The following MGA variants were observed in gnomAD, a reference collection of about 807,000 sequenced individuals.
The protein encoded by MGA is MAX dimerization protein MGA.
Under a neutral mutation model 261.1 loss-of-function variants are expected in MGA, and 40 were observed. The ratio of observed to expected loss-of-function variants is 0.15; its 90% CI spans 0.12 to 0.20. The LOEUF (loss-of-function observed/expected upper bound fraction) is 0.20, where lower values mean the gene tolerates loss of function less well. MGA is among the 10% of genes least tolerant of loss of function. The pLI, the probability that MGA is intolerant of heterozygous loss-of-function variation, is 1.00. For missense variants in MGA, 3,397 were observed against 3,630.5 expected, an observed-to-expected ratio of 0.94 and a Z score of 1.65; for synonymous variants, 1,302 against 1,290.6, an observed-to-expected ratio of 1.01 and a Z score of -0.19.
In MGA at chr15:41,710,678, T is replaced by C. The variant is rs371238108; in HGVS notation, c.2426-13T>C. 2 of 1,582,940 alleles carry C rather than the reference T, an allele frequency of 1.3e-6. No homozygotes were observed. Among genetic ancestry groups the C allele is most frequent in the African/African-American group, 2.7e-5 (2 of 73,320 alleles). ...TAGATTTCTTTAAGCATTTTATGTT[T>C]TCTTATTTCTAGGTGGAAATTCAGA... On this transcript the variant is annotated splice_polypyrimidine_tract_variant and intron_variant, in intron 7 of 23. Coordinates refer to ENST00000219905, the MANE Select transcript of MGA (RefSeq NM_001164273.2).
rs564939342 is a variant in MGA at position 41,710,504 on chromosome 15, C to T, written c.2426-187C>T. ...CTGGTCTTGAACTCCTAGCCTGTAG[C>T]GATCGTTTTGCTTCTTCCTGTCAAA... On this transcript the variant is annotated intron_variant, in intron 7 of 23. Coordinates refer to ENST00000219905, the MANE Select transcript of MGA (RefSeq NM_001164273.2). Among the ~76,000 whole-genome samples, 21 of 152,190 alleles carry T rather than the reference C, an allele frequency of 1.4e-4. No homozygotes were observed. In the East Asian group the frequency reaches 3.3e-3, roughly 24 times the overall value.
At chr15:41,729,592 C>T (rs962402260) in intron 11 of MGA, among the ~76,000 whole-genome samples, 1 of 151,880 alleles carries the variant, frequency 6.6e-6, no homozygotes, top group Non-Finnish European at 1.5e-5. Flanking sequence ...GACGCTGAGG[C>T]AGGCGGATCA....
At chr15:41,716,219 G>A (rs745760241) in intron 9 of MGA, among the ~76,000 whole-genome samples, 23 of 151,768 alleles carry the variant, frequency 1.5e-4, no homozygotes, top group Non-Finnish European at 2.6e-4. Context: ...CGGCTGAGGC[G>A]GGCAGATCAC....
chr15:41,690,842 G>T (rs918483874), intron 2 of MGA, among the ~76,000 whole-genome samples: 9 of 151,872 alleles, frequency 5.9e-5, no homozygotes, highest in Admixed American at 1.3e-4. Flanking sequence ...TTGCACCATT[G>T]CACTCTAGCC....
rs34078800 is a variant in MGA, at chr15:41,648,245, T to G, written c.-67-20583T>G. On this transcript the variant is annotated intron_variant, in intron 1 of 8. Coordinates refer to the MGA transcript ENST00000566718. ...GCATAGTCATTAAAAGTGTGAACTT[T>G]GGAGCCAGAGTGTCTGGGTTCAAGT... 9.5e-3 allele frequency among the ~76,000 whole-genome samples: 1,454 copies of G among 152,380 alleles called. 16 individuals are homozygous for G. Among genetic ancestry groups the G allele is most frequent in the Non-Finnish European group, 0.015 (1,026 of 68,038 alleles).
intron 9 of MGA, among the ~76,000 whole-genome samples, chr15:41,715,230 A>T (rs186721148): frequency 1.3e-5 from 2 of 149,724 alleles, no homozygotes; most frequent in Non-Finnish European, 3.0e-5. Context: ...GCTCACTGCA[A>T]CCTCCACCTC....
chr15:41,746,789 A>G (rs1349086294), intron 15 of MGA, among the ~76,000 whole-genome samples: 2 of 151,326 alleles, frequency 1.3e-5, no homozygotes, highest in African/African-American at 4.9e-5. Flanking sequence ...GTTTTGTTTC[A>G]TTTGTTTGAT....
intron 17 of MGA, among the ~76,000 whole-genome samples, chr15:41,754,157 C>T (rs748812175): frequency 1.3e-5 from 2 of 152,090 alleles, no homozygotes; most frequent in Non-Finnish European, 2.9e-5. Context: ...GAGCTCAAAA[C>T]GATCCACCTG....
At chr15:41,710,654 A>G (rs936700912) in intron 7 of MGA, 37 bp from the exon 8 acceptor site, 1 of 1,537,398 alleles carries the variant, frequency 6.5e-7, no homozygotes, top group Non-Finnish European at 8.8e-7. Context: ...AATCTGTCCT[A>G]GATTTCTTTA....
chr15:41,745,258 G>C lies in MGA; in HGVS notation c.5212+2086G>C, dbSNP rs191784993. Among the ~76,000 whole-genome samples, 28 of 103,054 alleles carry C rather than the reference G, an allele frequency of 2.7e-4. 1 individual carries two copies. In the Admixed American group the frequency reaches 3.6e-3, roughly 13 times the overall value. 67.6% of individuals were successfully genotyped at this position (103,054 alleles called of 152,430 possible). A position where few individuals can be genotyped will look rare whatever the true frequency, so the allele number is the denominator to read the frequency against. On this transcript the variant is annotated intron_variant, in intron 15 of 23. Coordinates refer to ENST00000219905, the MANE Select transcript of MGA (RefSeq NM_001164273.2). ...ATGACCCTGCCAAATCCCCCTATGC[G>C]AGAAACACCCAAGAATGATCAATAA... is the stretch of plus-strand genomic sequence containing the variant.
Position 41,750,317 on chromosome 15 carries a change from T to G in MGA, c.6710T>G (p.Leu2237Trp). ...GGAATTACTGAAGATGCCAGAGTTT[T>G]GAAAACTGAATGTGATTCTTGGAGT... The change falls in exon 17 of 24, where the codon TTG becomes TGG. Residue 2237 changes from leucine (L) to tryptophan (W), a missense_variant. Around this residue, in one of 9 missense-constraint regions of MGA, gnomAD observed 1,410 missense variants for 1,386.4 expected, o/e 1.02. Coordinates refer to ENST00000219905, the MANE Select transcript of MGA (RefSeq NM_001164273.2). 6.2e-7 allele frequency: 1 copy of G among 1,614,052 alleles called. No individual in the cohort carries two copies. The highest frequency in any genetic ancestry group is 1.3e-5 in the African/African-American group (1 of 75,080).
In MGA at chr15:41,762,380, C is replaced by T. The variant is rs367739476; in HGVS notation, c.7744+18C>T. 175 of 1,592,094 alleles carry T rather than the reference C, an allele frequency of 1.1e-4. No homozygotes were observed. The highest frequency in any genetic ancestry group is 5.0e-4 in the Middle Eastern group (3 of 5,980). On this transcript the variant is annotated intron_variant, in intron 22 of 23. Transcript: ENST00000219905. The stretch of plus-strand genomic sequence containing the variant: ...GGCCACAGGTAGGAGGGACATTCTT[C>T]GCTTTCCTTAATGTAGATATACATC...
chr15:41,693,464 G>A (rs1374121073), intron 2 of MGA, among the ~76,000 whole-genome samples: 1 of 151,942 alleles, frequency 6.6e-6, no homozygotes, highest in Admixed American at 6.6e-5. Flanking sequence ...GGATTTTCAA[G>A]TAAGGTTAAA....
Position 41,768,211 on chromosome 15 carries a change from C to A in MGA, c.*931C>A, listed in dbSNP as rs1255028516. 6.6e-6 allele frequency: 1 copy of A among 152,634 alleles called. No individual in the cohort carries two copies. Among genetic ancestry groups the A allele is most frequent in the Non-Finnish European group, 1.5e-5 (1 of 68,038 alleles). The allele number at this position is 152,634 out of a possible 1,614,324, so 9.5% of individuals were successfully genotyped here. A position where few individuals can be genotyped will look rare whatever the true frequency, so the allele number is the denominator to read the frequency against. On this transcript the variant is annotated 3_prime_UTR_variant, in exon 24 of 24. Transcript: ENST00000219905. ...TCCTGGTGCTTGAAGGTTTCATTCACTATTACCTGCACAGGATGTAAAGAA... is the reference window on the plus strand; with the variant it reads ...TCCTGGTGCTTGAAGGTTTCATTCAATATTACCTGCACAGGATGTAAAGAA...
At chr15:41,729,091 A>G in intron 10 of MGA, 73 bp from the exon 11 acceptor site, 1 of 1,415,644 alleles carries the variant, frequency 7.1e-7, no homozygotes, top group Non-Finnish European at 9.6e-7. Flanking sequence ...AAAAGATTAA[A>G]CATTCGTTTT....
In MGA at chr15:41,710,652, C is replaced by T. The variant is rs980461973; in HGVS notation, c.2426-39C>T. The T allele has an allele frequency of 2.0e-6, 3 of 1,527,398 alleles. No individual in the cohort carries two copies. The African/African-American group carries it at 4.2e-5, about 21-fold the overall frequency. 94.6% of individuals were successfully genotyped at this position (1,527,398 alleles called of 1,614,324 possible). ...TTTTATGGAGATTCATAAATCTGTC[C>T]TAGATTTCTTTAAGCATTTTATGTT... is the stretch of plus-strand genomic sequence containing the variant. On this transcript the variant is annotated intron_variant, in intron 7 of 23. Transcript: ENST00000219905.
chr15:41,647,183 T>C (rs1331341766), intron 1 of MGA, among the ~76,000 whole-genome samples: 1 of 152,224 alleles, frequency 6.6e-6, no homozygotes, highest in Non-Finnish European at 1.5e-5. Flanking sequence ...ATTGCTTGTA[T>C]GTACCTTACA....
At chr15:41,724,662 G>A (rs1285793347) in intron 9 of MGA, among the ~76,000 whole-genome samples, 1 of 152,144 alleles carries the variant, frequency 6.6e-6, no homozygotes, top group Non-Finnish European at 1.5e-5. Flanking sequence ...TCCAGCCTGG[G>A]TGACAGAGTC....
rs11639146 is a variant in MGA, at chr15:41,622,394, A to C, written c.-68+1096A>C. The stretch of plus-strand genomic sequence containing the variant: ...TAAAAATTATAATGAGACAACCGCC[A>C]CCCCGCCAAAAAAAACCCCACAGCC... On this transcript the variant is annotated intron_variant, in intron 1 of 8. Coordinates refer to the MGA transcript ENST00000566718. Among the ~76,000 whole-genome samples the C allele has an allele frequency of 2.4e-3, 350 of 148,834 alleles. 3 individuals carry two copies. Among genetic ancestry groups the C allele is most frequent in the African/African-American group, 8.3e-3 (322 of 38,676 alleles).
Sources: gnomAD v4.1 joint callset for allele counts (sites outside exome capture counted in the v4.1 genomes callset) on GRCh38, gnomAD v4.1.1 for gene constraint, gnomAD v4.1.1 regional missense constraint, MANE v1.5 for transcripts, NCBI Gene and HGNC (gene_info 2026-07-23, HGNC 2026-07-21) for gene names.